Variants in PPARA observed in about 807,000 individuals in gnomAD.
PPARA encodes the protein peroxisome proliferator activated receptor alpha, also known as peroxisome proliferator-activated receptor alpha.
PPARA carries 22 observed loss-of-function variants against 42.2 expected under a neutral mutation model. The ratio of observed to expected loss-of-function variants is 0.52; its 90% CI spans 0.37 to 0.74. The LOEUF is 0.74. Among genes scored for constraint, PPARA ranks in the 30% least tolerant of loss-of-function variants. The pLI is 0.00. For missense variants in PPARA, 465 were observed against 608.2 expected (o/e 0.76, Z 2.48); for synonymous variants, 242 against 239.3 (o/e 1.01, Z -0.10).
intron 4 of PPARA, among the ~76,000 whole-genome samples, chr22:46,214,839 G>GATGTGTGGATAGGAGATGTGCGGGGCGGC (rs1934312351): frequency 6.7e-6 from 1 of 149,236 alleles, no homozygotes; most frequent in Non-Finnish European, 1.5e-5. Context: ...TGCGGGGCGG[G>GATGTGTGGATAGGAGATGTGCGGGGCGGC]ATGTGTGGAT....
chr22:46,193,209 G>A lies in PPARA; in HGVS notation c.-42-5133G>A, dbSNP rs531289234. 6.6e-6 allele frequency among the ~76,000 whole-genome samples: 1 copy of A among 152,178 alleles called. No individual in the cohort carries two copies. Among genetic ancestry groups the A allele is most frequent in the East Asian group, 1.9e-4 (1 of 5,184 alleles). On this transcript the variant is annotated intron_variant, in intron 3 of 8. Transcript: ENST00000407236. The surrounding 1 kb of genome is among the most constrained non-coding windows in gnomAD (Gnocchi z 5.3). ...AGCCTCCCAAATAGCTGGGATTATG[G>A]GCACGCGCCACCACACCTGGCTAAT...
chr22:46,207,646 TA>T, intron 4 of PPARA, among the ~76,000 whole-genome samples: 2 of 80,622 alleles, frequency 2.5e-5, no homozygotes, highest in Non-Finnish European at 4.4e-5. Flanking sequence ...TTAATTAATT[TA>T]TTATTATTAT....
chr22:46,172,228 G>T (rs945338892), intron 2 of PPARA, among the ~76,000 whole-genome samples: 2 of 151,880 alleles, frequency 1.3e-5, no homozygotes, highest in Admixed American at 6.6e-5. Flanking sequence ...AGAGGGAAGA[G>T]GCTGTGGCAG....
At chr22:46,176,539 A>G (rs1346582205) in intron 2 of PPARA, among the ~76,000 whole-genome samples, 1 of 152,108 alleles carries the variant, frequency 6.6e-6, no homozygotes, top group African/African-American at 2.4e-5. Context: ...CATTGTTATT[A>G]GATTATATAC....
intron 4 of PPARA, among the ~76,000 whole-genome samples, chr22:46,202,048 T>G (rs1471040895): frequency 6.6e-6 from 1 of 152,156 alleles, no homozygotes; most frequent in Non-Finnish European, 1.5e-5. Flanking sequence ...CTCTAGAGCT[T>G]GTTCTGAAAT....
Position 46,191,741 on chromosome 22 carries a change from T to A in PPARA, c.-42-6601T>A, listed in dbSNP as rs990889295. Reference sequence around the variant, plus strand: ...ACTGGGTTACTCCTGGAGTAAGTAATTCCCAAGAGCTCCTTCTGTGCAGAT... The same window carrying A: ...ACTGGGTTACTCCTGGAGTAAGTAAATCCCAAGAGCTCCTTCTGTGCAGAT... On this transcript the variant is annotated intron_variant, in intron 3 of 8. Coordinates refer to ENST00000407236, the MANE Select transcript of PPARA (RefSeq NM_005036.6). The surrounding 1 kb of genome is among the most constrained non-coding windows in gnomAD (Gnocchi z 4.6). Among the ~76,000 whole-genome samples, 3 of 152,168 alleles carry A rather than the reference T, an allele frequency of 2.0e-5. No individual in the cohort carries two copies. The highest frequency in any genetic ancestry group is 7.2e-5 in the African/African-American group (3 of 41,446).
intron 3 of PPARA, among the ~76,000 whole-genome samples, chr22:46,194,588 T>C (rs1320058128): frequency 6.8e-6 from 1 of 146,420 alleles, no homozygotes; most frequent in African/African-American, 2.6e-5. Context: ...TTTTTTTTTT[T>C]TGTGACAGAG....
chr22:46,208,915 T>C (rs5767633), intron 4 of PPARA, among the ~76,000 whole-genome samples: 5,771 of 121,564 alleles, frequency 0.047, 288 homozygotes, highest in African/African-American at 0.13. Flanking sequence ...TGTGTGTGTG[T>C]GCGTGTGTGT....
intron 5 of PPARA, among the ~76,000 whole-genome samples, chr22:46,217,384 C>A (rs1400905777): frequency 6.6e-6 from 1 of 152,110 alleles, no homozygotes; most frequent in Non-Finnish European, 1.5e-5. Flanking sequence ...TATAAAGTGG[C>A]CTTTTCCTTA....
rs939270657 is a variant in PPARA, at chr22:46,218,401, G to A, written c.508G>A (p.Ala170Thr). The change falls in exon 6 of 9, where the codon GCG becomes ACG. Residue 170 changes from alanine to threonine, a missense_variant and splice_region_variant. Physicochemically the swap from Ala to Thr is moderately conservative, Grantham distance 58 (BLOSUM62 0). Transcript: ENST00000407236. ...KCLSVGMSHN[A>T]IRFGRMPRSE... ...CCTTTCTGTCGGGATGTCACACAAC[G>A]GTAGGTAAGGTGGCCCTGCACATTT... is the stretch of plus-strand genomic sequence containing the variant. 4.3e-6 allele frequency: 7 copies of A among 1,613,962 alleles called. No individual in the cohort carries two copies. The highest frequency in any genetic ancestry group is 3.3e-5 in the Admixed American group (2 of 59,992).
At position 46,198,592 on chromosome 22, in the gene PPARA, G is replaced by C; in HGVS notation, c.208+1G>C. 1 of 1,612,726 alleles carries C rather than the reference G, an allele frequency of 6.2e-7. No homozygotes were observed. Among genetic ancestry groups the C allele is most frequent in the Non-Finnish European group, 8.5e-7 (1 of 1,179,240 alleles). ...GGCTCAGATGGCTCGGTCATCACGG[G>C]TAAGTGTGCCGTTTCCTAGAAAGTT... is the stretch of plus-strand genomic sequence containing the variant. On this transcript the variant is annotated splice_donor_variant, in intron 4 of 8. Transcript: ENST00000407236. LOFTEE classifies it high-confidence loss of function.
chr22:46,239,936 C>G lies in PPARA; in HGVS notation c.*4556C>G, dbSNP rs1041760448. ...ATACATGATGGAGGGTTTTTTGGTC[C>G]TGATCCAGTGGCCACACCTGTCTTT... On this transcript the variant is annotated 3_prime_UTR_variant, in exon 9 of 9. Transcript: ENST00000407236. 1 of 379,390 alleles carries G rather than the reference C, an allele frequency of 2.6e-6. No homozygotes were observed. Among genetic ancestry groups the G allele is most frequent in the Non-Finnish European group, 4.7e-6 (1 of 214,652 alleles). The allele number at this position is 379,390 out of a possible 1,614,324, so 23.5% of individuals were successfully genotyped here. A position where few individuals can be genotyped will look rare whatever the true frequency, so the allele number is the denominator to read the frequency against.
Position 46,223,047 on chromosome 22 carries a change from C to T in PPARA, c.711+3033C>T, listed in dbSNP as rs919552421. On this transcript the variant is annotated intron_variant, in intron 7 of 8. Transcript: ENST00000407236. ...TGGTGGCACATGCCTATAGTCCCCG[C>T]GACTTGGGAGGTTGAGGAGGATGCC... Among the ~76,000 whole-genome samples the T allele has an allele frequency of 1.2e-4, 18 of 152,202 alleles. 1 individual carries two copies. The East Asian group carries it at 1.7e-3, about 15-fold the overall frequency.
In PPARA at chr22:46,160,914, T is replaced by C. The variant is rs1926068037; in HGVS notation, c.-127+8944T>C. Among the ~76,000 whole-genome samples, 1 of 152,240 alleles carries C rather than the reference T, an allele frequency of 6.6e-6. No homozygotes were observed. The highest frequency in any genetic ancestry group is 6.5e-5 in the Admixed American group (1 of 15,280). The stretch of plus-strand genomic sequence containing the variant: ...GTCCAGCCCAGTATTTTTCTTTCAC[T>C]CTGGAAACCAAAAATTATTGGCTTT... On this transcript the variant is annotated intron_variant, in intron 2 of 8. Coordinates refer to ENST00000407236, the MANE Select transcript of PPARA (RefSeq NM_005036.6). This position sits in a 1 kb window ranked among gnomAD's most constrained non-coding sequence, Gnocchi z 4.5.
chr22:46,221,097 C>G lies in PPARA; in HGVS notation c.711+1083C>G, dbSNP rs1934963388. ...AGGAAGCTTCTGCTTCTGGGGAGGC[C>G]TCAGGGAATTTGACTCATAGCAGAA... On this transcript the variant is annotated intron_variant, in intron 7 of 8. Transcript: ENST00000407236. This position sits in a 1 kb window ranked among gnomAD's most constrained non-coding sequence, Gnocchi z 5.9. 1.3e-5 allele frequency among the ~76,000 whole-genome samples: 2 copies of G among 152,142 alleles called. No homozygotes were observed. Among genetic ancestry groups the G allele is most frequent in the South Asian group, 4.1e-4 (2 of 4,830 alleles).
At position 46,184,119 on chromosome 22, in the gene PPARA, C is replaced by T. The variant is rs146003562; in HGVS notation, c.-43+7283C>T. On this transcript the variant is annotated intron_variant, in intron 3 of 8. Transcript: ENST00000407236. The surrounding 1 kb of genome is among the most constrained non-coding windows in gnomAD (Gnocchi z 4.4). ...GCTCAAAAAGTGTTAGCTGGAACTA[C>T]TATCATTATCAACATCTCTAATTTA... is the stretch of plus-strand genomic sequence containing the variant. 1.3e-5 allele frequency among the ~76,000 whole-genome samples: 2 copies of T among 152,322 alleles called. No homozygotes were observed. Among genetic ancestry groups the T allele is most frequent in the African/African-American group, 4.8e-5 (2 of 41,562 alleles).
rs115745995 is a variant in PPARA at position 46,191,125 on chromosome 22, G to A, written c.-42-7217G>A. ...CGAGAATCGCTTGAACCCGGGAGGC[G>A]TGGGGTTGCAGTGAGCCGAGATTGC... is the stretch of plus-strand genomic sequence containing the variant. On this transcript the variant is annotated intron_variant, in intron 3 of 8. Transcript: ENST00000407236. This position sits in a 1 kb window ranked among gnomAD's most constrained non-coding sequence, Gnocchi z 4.6. Among the ~76,000 whole-genome samples, 1,622 of 152,036 alleles carry A rather than the reference G, an allele frequency of 0.011. 23 individuals carry two copies. Among genetic ancestry groups the A allele is most frequent in the African/African-American group, 0.036 (1,499 of 41,478 alleles).
At position 46,225,718 on chromosome 22, in the gene PPARA, C is replaced by T. The variant is rs1014367516; in HGVS notation, c.711+5704C>T. On this transcript the variant is annotated intron_variant, in intron 7 of 8. Transcript: ENST00000407236. The surrounding 1 kb of genome is among the most constrained non-coding windows in gnomAD (Gnocchi z 4.1). Reference sequence around the variant, plus strand: ...ACATGGACACACACATGCACCCACACGCACACAAGCATCCATGCTCACATG... The same window carrying T: ...ACATGGACACACACATGCACCCACATGCACACAAGCATCCATGCTCACATG... Among the ~76,000 whole-genome samples the T allele has an allele frequency of 7.2e-5, 11 of 151,728 alleles. No individual in the cohort carries two copies. The highest frequency in any genetic ancestry group is 1.9e-4 in the East Asian group (1 of 5,154).
chr22:46,175,252 G>A (rs964470553), intron 2 of PPARA, among the ~76,000 whole-genome samples: 5 of 152,070 alleles, frequency 3.3e-5, no homozygotes, highest in African/African-American at 4.8e-5. Flanking sequence ...GTGAGAGGAC[G>A]ATATCACAGT....
Sources: gnomAD v4.1 joint callset for allele counts (sites outside exome capture counted in the v4.1 genomes callset) on GRCh38, gnomAD v4.1.1 for gene constraint, Gnocchi (gnomAD v3.1) non-coding constraint, MANE v1.5 for transcripts, NCBI Gene and HGNC (gene_info 2026-07-23, HGNC 2026-07-21) for gene names.